Variants in ORC1 observed in about 807,000 individuals in gnomAD.
ORC1 encodes the protein origin recognition complex, subunit 1 homolog.
In ORC1, 61 loss-of-function variants were observed where a neutral mutation model predicts 98.9. The observed-to-expected ratio is 0.62, with a 90% CI of 0.50 to 0.76. The LOEUF (loss-of-function observed/expected upper bound fraction) is 0.76. ORC1 is among the 30% of genes least tolerant of loss of function. The probability of loss-of-function intolerance (pLI) is 0.00; values close to 1 mark genes in which losing one functional copy is unlikely to be tolerated. For missense variants in ORC1, 979 were observed against 1,072.2 expected, an observed-to-expected ratio of 0.91 and a Z score of 1.21; for synonymous variants, 385 against 406.9, an observed-to-expected ratio of 0.95 and a Z score of 0.65.
At chr1:52,391,866 C>G (rs560166860) in intron 6 of ORC1, among the ~76,000 whole-genome samples, 4 of 149,966 alleles carry the variant, frequency 2.7e-5, no homozygotes, top group South Asian at 2.1e-4. Context: ...CCACTGCACT[C>G]TAGCCTGGGC....
chr1:52,373,191 T>G lies in ORC1; in HGVS notation c.2576A>C (p.Lys859Thr). ...VSQDDVLYAL[K>T]DE Reference sequence around the variant, plus strand: ...ACTTGTGAAGCCCCTTTACTCGTCTTTCAGCGCATACAGCACATCATCCTG... The same window carrying G: ...ACTTGTGAAGCCCCTTTACTCGTCTGTCAGCGCATACAGCACATCATCCTG... Residue 859 changes from lysine (K) to threonine (T), a missense_variant, in exon 17 of 17, where the codon AAA becomes ACA. Lys to Thr is a moderately conservative substitution (Grantham distance 78). Coordinates refer to ENST00000371568, the MANE Select transcript of ORC1 (RefSeq NM_004153.4). The G allele has an allele frequency of 6.2e-7, 1 of 1,614,136 alleles. No individual in the cohort carries two copies. Among genetic ancestry groups the G allele is most frequent in the Non-Finnish European group, 8.5e-7 (1 of 1,180,010 alleles).
chr1:52,379,029 T>C (rs1176149010), intron 14 of ORC1, among the ~76,000 whole-genome samples: 1 of 150,870 alleles, frequency 6.6e-6, no homozygotes, highest in Non-Finnish European at 1.5e-5. Context: ...CGAGACTCCG[T>C]CTCAAAAAAA....
Position 52,393,514 on chromosome 1 carries a change from GGTAA to G in ORC1, c.1007_1010del (p.Leu336ProfsTer15). The stretch of plus-strand genomic sequence containing the variant: ...AAGATCTCTGTCCCCCACTGATAGG[GGTAA>G]GTGTTCTCTCCTCTCTAATGTCTAT... On this transcript the variant is annotated frameshift_variant, in exon 6 of 17. Transcript: ENST00000371568. LOFTEE classifies it high-confidence loss of function. 6.2e-7 allele frequency: 1 copy of G among 1,614,104 alleles called. No individual in the cohort carries two copies. The highest frequency in any genetic ancestry group is 8.5e-7 in the Non-Finnish European group (1 of 1,180,002).
chr1:52,383,779 C>T, intron 12 of ORC1, 51 bp downstream of exon 12: 1 of 1,494,898 alleles, frequency 6.7e-7, no homozygotes, highest in Admixed American at 1.7e-5. Flanking sequence ...CCAGCACTTG[C>T]TCCTGAGGTA....
intron 3 of ORC1, among the ~76,000 whole-genome samples, chr1:52,400,646 C>T (rs1647659384): frequency 6.6e-6 from 1 of 152,194 alleles, no homozygotes; most frequent in African/African-American, 2.4e-5. Context: ...CTTCCTAATC[C>T]TCCTTGTGGA....
At chr1:52,382,800 G>A (rs113975422) in intron 13 of ORC1, among the ~76,000 whole-genome samples, 9 of 151,856 alleles carry the variant, frequency 5.9e-5, no homozygotes, top group South Asian at 2.1e-4. Flanking sequence ...GGCTGGTCTC[G>A]AACTCCTGAC....
At chr1:52,404,984 G>C (rs550540579), upstream of ORC1, 30 of 1,365,368 alleles carry the variant, frequency 2.2e-5, no homozygotes, top group Non-Finnish European at 2.9e-5. Flanking sequence ...GTACTGGAAC[G>C]GAGTATGTCG....
rs568714826 is a variant in ORC1 at position 52,375,385 on chromosome 1, G to A, written c.2303+45C>T. On this transcript the variant is annotated intron_variant, in intron 15 of 16. Coordinates refer to ENST00000371568, the MANE Select transcript of ORC1 (RefSeq NM_004153.4). Reference sequence around the variant, plus strand: ...AGTAAAAGCTTAGAAAGGGAAACATGTTTCTACAGCCTTCCAGGAAGGCTC... The same window carrying A: ...AGTAAAAGCTTAGAAAGGGAAACATATTTCTACAGCCTTCCAGGAAGGCTC... 3.7e-5 allele frequency: 59 copies of A among 1,583,348 alleles called. 1 individual carries two copies. Among genetic ancestry groups the A allele is most frequent in the Admixed American group, 2.0e-4 (12 of 59,970 alleles).
chr1:52,380,829 G>C (rs1159210322), intron 14 of ORC1, among the ~76,000 whole-genome samples: 1 of 152,118 alleles, frequency 6.6e-6, no homozygotes, highest in African/African-American at 2.4e-5. Flanking sequence ...ATAACTTTGA[G>C]GATCTCTCTC....
rs370792026 is a variant in ORC1 at position 52,393,618 on chromosome 1, A to G, written c.907T>C (p.Tyr303His). 15 of 1,614,098 alleles carry G rather than the reference A, an allele frequency of 9.3e-6. No homozygotes were observed. The African/African-American group carries it at 2.0e-4, about 22-fold the overall frequency. The part of the protein sequence containing the change: ...PEKTRETGLS[Y>H]TEDDKKASPE... The stretch of plus-strand genomic sequence containing the variant: ...GAAGCCTTCTTGTCATCCTCAGTAT[A>G]AGAGAGTCCAGTCTCTCTGGTTTTC... The change falls in exon 6 of 17, where the codon TAT becomes CAT. Residue 303 changes from tyrosine to histidine, a missense_variant. Transcript: ENST00000371568.
At chr1:52,404,516 A>G (rs1647902932), upstream of ORC1, 2 of 432,382 alleles carry the variant, frequency 4.6e-6, no homozygotes, top group Non-Finnish European at 8.3e-6. Flanking sequence ...CACTCCGTAC[A>G]CCTAAGAGGG....
intron 13 of ORC1, among the ~76,000 whole-genome samples, chr1:52,382,825 C>T (rs964298605): frequency 1.5e-4 from 23 of 152,038 alleles, no homozygotes; most frequent in Admixed American, 3.9e-4. Flanking sequence ...GGTGATCCAC[C>T]TGCCTTGGCC....
Position 52,396,157 on chromosome 1 carries a change from G to T in ORC1, c.610C>A (p.Pro204Thr), listed in dbSNP as rs1179523368. ...SKSAESPSWT[P>T]AEHVAKRIES... is the part of the protein sequence containing the mutation. ...ATCCTTTTGGCCACATGTTCTGCTG[G>T]GGTCCAAGAAGGGCTCTCTGCACTC... is the stretch of plus-strand genomic sequence containing the variant. Residue 204 changes from proline to threonine, a missense_variant, in exon 5 of 17, where the codon CCA becomes ACA. By Grantham distance (38) the Pro-to-Thr change is conservative. Transcript: ENST00000371568. 6.2e-7 allele frequency: 1 copy of T among 1,613,976 alleles called. No homozygotes were observed. Among genetic ancestry groups the T allele is most frequent in the African/African-American group, 1.3e-5 (1 of 74,880 alleles).
rs958328872 is a variant in ORC1 at position 52,372,993 on chromosome 1, A to T, written c.*188T>A. ...TGTCTCTACAAAAAATCAGCTGGGC[A>T]TGGTGGCATGTGCCTGTAGTTTCAG... On this transcript the variant is annotated 3_prime_UTR_variant, in exon 17 of 17. Transcript: ENST00000371568. 1.5e-6 allele frequency: 1 copy of T among 658,940 alleles called. No individual in the cohort carries two copies. The highest frequency in any genetic ancestry group is 1.8e-5 in the African/African-American group (1 of 56,272). 40.8% of individuals were successfully genotyped at this position (658,940 alleles called of 1,614,324 possible).
At chr1:52,393,373 G>T in intron 6 of ORC1, 70 bp downstream of exon 6, 1 of 1,601,488 alleles carries the variant, frequency 6.2e-7, no homozygotes, top group South Asian at 1.1e-5. Context: ...TAACTTTTTT[G>T]ACTATGACTC....
upstream of ORC1, chr1:52,404,730 A>G: frequency 6.2e-7 from 1 of 1,610,166 alleles, no homozygotes; most frequent in Non-Finnish European, 8.5e-7. Flanking sequence ...CGACGGAAAT[A>G]GAATTGAAGG....
intron 14 of ORC1, among the ~76,000 whole-genome samples, chr1:52,381,198 T>C (rs1196411838): frequency 6.6e-6 from 1 of 152,124 alleles, no homozygotes; most frequent in Non-Finnish European, 1.5e-5. Context: ...GAGTGTGCCT[T>C]GCTGGGCATG....
rs1458074668 is a variant in ORC1 at position 52,372,853 on chromosome 1, G to C, written c.*328C>G. Reference sequence around the variant, plus strand: ...CTCAGGAAAAAGCAAATTATTTAATGGAAAATTCCAAAATACATGAGAGCC... The same window carrying C: ...CTCAGGAAAAAGCAAATTATTTAATCGAAAATTCCAAAATACATGAGAGCC... On this transcript the variant is annotated 3_prime_UTR_variant, in exon 17 of 17. Coordinates refer to ENST00000371568, the MANE Select transcript of ORC1 (RefSeq NM_004153.4). The C allele has an allele frequency of 3.0e-6, 1 of 332,998 alleles. No homozygotes were observed. The highest frequency in any genetic ancestry group is 5.8e-6 in the Non-Finnish European group (1 of 172,628). 20.6% of individuals were successfully genotyped at this position (332,998 alleles called of 1,614,324 possible).
intron 10 of ORC1, 119 bp from the exon 11 acceptor site, chr1:52,384,840 T>G: frequency 2.2e-6 from 2 of 902,426 alleles, no homozygotes; most frequent in East Asian, 5.2e-5. Context: ...AATGTGGAGG[T>G]GGGGGCAGTA....
Sources: gnomAD v4.1 joint callset for allele counts (sites outside exome capture counted in the v4.1 genomes callset) on GRCh38, gnomAD v4.1.1 for gene constraint, MANE v1.5 for transcripts, NCBI Gene and HGNC (gene_info 2026-07-23, HGNC 2026-07-21) for gene names.